The following DHRS4L2 variants were observed in gnomAD, a reference collection of about 807,000 sequenced individuals.
The protein encoded by DHRS4L2 is dehydrogenase/reductase SDR family member 4-like 2.
DHRS4L2 carries 22 observed loss-of-function variants against 23.9 expected under a neutral mutation model. The observed-to-expected ratio is 0.92, with a 90% CI of 0.66 to 1.31. The LOEUF (loss-of-function observed/expected upper bound fraction) is 1.31, where lower values mean the gene tolerates loss of function less well. Ranked by LOEUF, DHRS4L2 falls within the 40% of genes most tolerant of loss-of-function variation. DHRS4L2 has a pLI of 0.00. For missense variants in DHRS4L2, 385 were observed against 303.3 expected (o/e 1.27, Z -2.00); for synonymous variants, 141 against 123.7 (o/e 1.14, Z -0.93).
upstream of DHRS4L2, among the ~76,000 whole-genome samples, chr14:23,984,739 A>T (rs1183869025): frequency 7.0e-6 from 1 of 143,642 alleles, no homozygotes; most frequent in East Asian, 2.2e-4. Context: ...CCCGGGAGGC[A>T]GAGGTTGCAG....
rs1031076138 is a variant in DHRS4L2 at position 23,990,837 on chromosome 14, A to G, written c.306+478A>G. On this transcript the variant is annotated intron_variant, in intron 2 of 7. Coordinates refer to ENST00000335125, the MANE Select transcript of DHRS4L2 (RefSeq NM_198083.4). ...CAAGCAAGGCAAGGACTATTCTCTC[A>G]GTCTGCAGACCCTGGCTCAGATAGC... The G allele has an allele frequency of 2.0e-5, 9 of 447,318 alleles. No homozygotes were observed. In the Admixed American group the frequency reaches 2.6e-4, roughly 13 times the overall value. The allele number at this position is 447,318 out of a possible 1,614,324, so 27.7% of individuals were successfully genotyped here. A position where few individuals can be genotyped will look rare whatever the true frequency, so the allele number is the denominator to read the frequency against.
At position 24,001,450 on chromosome 14, in the gene DHRS4L2, C is replaced by G; in HGVS notation, c.598C>G (p.Leu200Val). The G allele has an allele frequency of 6.2e-7, 1 of 1,606,896 alleles. No homozygotes were observed. Residue 200 changes from leucine (L) to valine (V), a missense_variant, in exon 6 of 8, where the codon CTG (leucine) becomes GTG (valine). By Grantham distance (32) the Leu-to-Val change is conservative. Coordinates refer to ENST00000335125, the MANE Select transcript of DHRS4L2 (RefSeq NM_198083.4). ...CCTCAACAATACCCTGGCCATAGAG[C>G]TGGCCCCAAGGAACATTAGGGTGAA... Reference protein sequence around the residue: ...LGLNNTLAIELAPRNIRVNCL... With the variant: ...LGLNNTLAIEVAPRNIRVNCL...
chr14:23,987,968 A>T (rs1290701209), upstream of DHRS4L2, among the ~76,000 whole-genome samples: 1 of 151,662 alleles, frequency 6.6e-6, no homozygotes, highest in Non-Finnish European at 1.5e-5. Context: ...AGAAGTGGAG[A>T]CTGAAGTCTT....
exon 1 of DHRS4L2, chr14:23,970,267 C>T (rs188318548): frequency 2.2e-6 from 1 of 451,262 alleles, no homozygotes; most frequent in Non-Finnish European, 4.4e-6. Flanking sequence ...TCTAAGGCAG[C>T]CCCTGCATCT....
intron 1 of DHRS4L2, 127 bp from the exon 2 acceptor site, chr14:23,990,055 G>A (rs1182451952): frequency 7.0e-7 from 1 of 1,424,964 alleles, no homozygotes; most frequent in Non-Finnish European, 9.5e-7. Context: ...CACATAGTAG[G>A]CACACGTAGG....
At position 23,974,197 on chromosome 14, in the gene DHRS4L2, C is replaced by A. The variant is rs576252578; in HGVS notation, c.-176+3865C>A. Among the ~76,000 whole-genome samples the A allele has an allele frequency of 4.0e-5, 6 of 151,726 alleles. 1 individual carries two copies. In the South Asian group the frequency reaches 1.0e-3, roughly 26 times the overall value. On this transcript the variant is annotated intron_variant, in intron 1 of 5. Transcript: ENST00000534993. ...CAGAAATAAACATGGTCTTTGAAAC[C>A]AATGAGAACAAAGACACAGTGTAGC...
At chr14:23,975,375 G>A in intron 1 of DHRS4L2, among the ~76,000 whole-genome samples, 1 of 151,692 alleles carries the variant, frequency 6.6e-6, no homozygotes, top group Non-Finnish European at 1.5e-5. Context: ...ACTTACAAGG[G>A]ATGTGAAGGA....
At chr14:23,988,752 T>G (rs554494097), upstream of DHRS4L2, 1 of 1,381,672 alleles carries the variant, frequency 7.2e-7, no homozygotes, top group African/African-American at 1.5e-5. Context: ...CAAGCCCCAG[T>G]CAGGCGGAAG....
At chr14:23,989,632 C>T (rs1490894483) in intron 1 of DHRS4L2, among the ~76,000 whole-genome samples, 1 of 151,528 alleles carries the variant, frequency 6.6e-6, no homozygotes, top group East Asian at 1.9e-4. Flanking sequence ...TTGCTAGATG[C>T]CAGCTCTTCA....
chr14:24,004,284 AAAAAG>A, intron 6 of DHRS4L2, 48 bp from the exon 7 acceptor site: 13 of 1,530,780 alleles, frequency 8.5e-6, no homozygotes, highest in Admixed American at 2.3e-5. Flanking sequence ...AAAAAAAAAA[AAAAAG>A]AAAGGAAAAG....
intron 2 of DHRS4L2, among the ~76,000 whole-genome samples, chr14:23,994,305 T>A (rs2034331227): frequency 6.6e-6 from 1 of 151,514 alleles, no homozygotes; most frequent in Admixed American, 6.6e-5. Context: ...AGACTTGAAA[T>A]CATGAGAATG....
At chr14:23,983,222 G>T (rs558432684) in intron 1 of DHRS4L2, among the ~76,000 whole-genome samples, 1 of 151,660 alleles carries the variant, frequency 6.6e-6, no homozygotes, top group African/African-American at 2.4e-5. Context: ...AGTGGGCTAA[G>T]GATGTGAACA....
chr14:23,975,529 C>A (rs1361469753), intron 1 of DHRS4L2, among the ~76,000 whole-genome samples: 3 of 151,726 alleles, frequency 2.0e-5, no homozygotes, highest in Non-Finnish European at 2.9e-5. Context: ...AGACTCAATG[C>A]TATCCCCATC....
intron 1 of DHRS4L2, among the ~76,000 whole-genome samples, chr14:23,981,671 A>C (rs1409312370): frequency 6.6e-6 from 1 of 151,590 alleles, no homozygotes; most frequent in Non-Finnish European, 1.5e-5. Context: ...CTCAGCATTT[A>C]TTAATTACTA....
In DHRS4L2 at chr14:23,990,331, C is replaced by T. The variant is rs148736302; in HGVS notation, c.278C>T (p.Ala93Val). Residue 93 changes from alanine (A) to valine (V), a missense_variant, in exon 2 of 8, where the codon GCG (alanine) becomes GTG (valine). Coordinates refer to ENST00000335125, the MANE Select transcript of DHRS4L2 (RefSeq NM_198083.4). The part of the protein sequence containing the change: ...VTGTVCHVGK[A>V]EDRERLVAMA... ...GGCACTGTGTGCCATGTGGGGAAGG[C>T]GGAGGACCGGGAGCGGCTGGTGGCC... The T allele has an allele frequency of 3.9e-5, 63 of 1,611,606 alleles. No homozygotes were observed. In the African/African-American group the frequency reaches 4.7e-4, roughly 12 times the overall value.
chr14:24,004,279 A>G lies in DHRS4L2; in HGVS notation c.666-58A>G, dbSNP rs1184461304. The G allele has an allele frequency of 3.8e-5, 58 of 1,522,186 alleles. 2 individuals carry two copies. The Admixed American group carries it at 4.4e-4, about 12-fold the overall frequency. 94.3% of individuals were successfully genotyped at this position (1,522,186 alleles called of 1,614,324 possible). On this transcript the variant is annotated intron_variant, in intron 6 of 7. Transcript: ENST00000335125. ...GCAAGACTCCGTCTCTAAAAAAAAA[A>G]AAAAAAAAAGAAAGGAAAAGAAAAA...
At chr14:23,991,328 AG>A (rs1440785451) in intron 2 of DHRS4L2, among the ~76,000 whole-genome samples, 2 of 151,828 alleles carry the variant, frequency 1.3e-5, no homozygotes, top group Non-Finnish European at 2.9e-5. Context: ...AGTCCAAAAA[AG>A]CTTGGCTTAG....
chr14:23,984,886 G>C (rs1278334839), upstream of DHRS4L2, among the ~76,000 whole-genome samples: 3 of 148,154 alleles, frequency 2.0e-5, no homozygotes, highest in Non-Finnish European at 4.5e-5. Flanking sequence ...TGGTAATAAA[G>C]ACAAATGAGT....
chr14:23,995,896 G>A (rs2034373068), intron 3 of DHRS4L2, among the ~76,000 whole-genome samples: 1 of 151,708 alleles, frequency 6.6e-6, no homozygotes. Context: ...AGTCTGTTTT[G>A]CATTGCTATA....
Sources: allele counts gnomAD v4.1 joint callset (sites outside exome capture counted in the v4.1 genomes callset), GRCh38; gene constraint gnomAD v4.1.1; transcripts MANE v1.5; gene names NCBI Gene and HGNC (gene_info 2026-07-23, HGNC 2026-07-21).